TCERG1: variants seen among roughly 807,000 people sequenced by gnomAD.
TCERG1 encodes TATA box binding protein (TBP)-associated factor, RNA polymerase II, S, 150kD.
Under a neutral mutation model 144.7 loss-of-function variants are expected in TCERG1, and 37 were observed. That is an observed-to-expected ratio of 0.26 (90% CI 0.20 to 0.34). The LOEUF (loss-of-function observed/expected upper bound fraction) is 0.34. Among genes scored for constraint, TCERG1 ranks in the 10% least tolerant of loss-of-function variants. The pLI, the probability that TCERG1 is intolerant of heterozygous loss-of-function variation, is 1.00. For missense variants in TCERG1, 1,027 were observed against 1,380.7 expected (o/e 0.74, Z 4.06); for synonymous variants, 492 against 458.2 (o/e 1.07, Z -0.94).
chr5:146,464,945 G>GT (rs892377922), intron 5 of TCERG1, among the ~76,000 whole-genome samples: 29 of 148,964 alleles, frequency 1.9e-4, no homozygotes, highest in South Asian at 8.6e-4. Flanking sequence ...AAAATTTCAG[G>GT]TTTTTTTTTT....
chr5:146,475,656 T>G (rs1423143723), intron 9 of TCERG1, among the ~76,000 whole-genome samples: 1 of 152,198 alleles, frequency 6.6e-6, no homozygotes, highest in Non-Finnish European at 1.5e-5. Context: ...ACCTTGGCAA[T>G]GACCTTGAGC....
At position 146,503,853 on chromosome 5, in the gene TCERG1, T is replaced by C. The variant is rs769523714; in HGVS notation, c.2628T>C (p.Leu876=). ...KNLDSEKEKE[L]ERQARIEASL... is the part of the protein sequence containing the mutation. ...TAGACTCAGAAAAAGAAAAGGAGCT[T>C]GAAAGGCAAGCCCGCATTGAGGCAA... The change falls in exon 19 of 23, where the codon CTT becomes CTC. Residue 876 remains leucine (L), a synonymous_variant. Coordinates refer to ENST00000679501, the MANE Select transcript of TCERG1 (RefSeq NM_001382548.1). The C allele has an allele frequency of 7.5e-6, 12 of 1,599,618 alleles. No homozygotes were observed. The highest frequency in any genetic ancestry group is 1.0e-5 in the Non-Finnish European group (12 of 1,175,992).
chr5:146,473,081 G>A (rs868484682), intron 9 of TCERG1, among the ~76,000 whole-genome samples: 5 of 152,178 alleles, frequency 3.3e-5, no homozygotes, highest in African/African-American at 9.7e-5. Context: ...GTCAAAAGCC[G>A]AGATAGGCTG....
At chr5:146,454,144 T>C (rs1211893895) in intron 1 of TCERG1, among the ~76,000 whole-genome samples, 1 of 150,476 alleles carries the variant, frequency 6.6e-6, no homozygotes, top group Non-Finnish European at 1.5e-5. Flanking sequence ...GAGGTTGCAG[T>C]GAGCCGAGAT....
At chr5:146,482,390 T>C in intron 13 of TCERG1, 2 of 406,476 alleles carry the variant, frequency 4.9e-6, no homozygotes, top group Non-Finnish European at 8.7e-6. Flanking sequence ...CCATTGTAAA[T>C]CATTAGAAGC....
intron 15 of TCERG1, among the ~76,000 whole-genome samples, chr5:146,485,145 G>A (rs1765711621): frequency 6.6e-6 from 1 of 152,038 alleles, no homozygotes; most frequent in Non-Finnish European, 1.5e-5. Flanking sequence ...CAGCCACACT[G>A]GCCCTGATAT....
chr5:146,455,142 C>G lies in TCERG1; in HGVS notation c.146C>G (p.Pro49Arg). 6.2e-7 allele frequency: 1 copy of G among 1,614,226 alleles called. No individual in the cohort carries two copies. The highest frequency in any genetic ancestry group is 8.5e-7 in the Non-Finnish European group (1 of 1,180,040). The change falls in exon 2 of 23, where the codon CCT (proline) becomes CGT (arginine). Residue 49 changes from proline to arginine, a missense_variant. Physicochemically the swap from Pro to Arg is moderately radical, Grantham distance 103. Around this residue, in one of 6 missense-constraint regions of TCERG1, gnomAD observed 175 missense variants for 197.0 expected, o/e 0.89. Coordinates refer to ENST00000679501, the MANE Select transcript of TCERG1 (RefSeq NM_001382548.1). ...VMRGPPPLMR[P>R]PPPFGMMRGP... ...CGAGGCCCACCACCTCTGATGCGAC[C>G]TCCTCCACCTTTTGGTATGATGCGA...
At chr5:146,472,244 C>T (rs1182511172) in intron 9 of TCERG1, among the ~76,000 whole-genome samples, 1 of 152,148 alleles carries the variant, frequency 6.6e-6, no homozygotes, top group African/African-American at 2.4e-5. Flanking sequence ...TGGCATACCT[C>T]ATTTTATAGT....
chr5:146,478,722 A>G (rs963475702), intron 10 of TCERG1, 69 bp downstream of exon 10: 1 of 1,433,940 alleles, frequency 7.0e-7, no homozygotes, highest in Admixed American at 2.8e-5. Context: ...GAAAATGTGG[A>G]AGGCATTTAG....
intron 9 of TCERG1, among the ~76,000 whole-genome samples, chr5:146,473,231 C>T (rs1764514575): frequency 6.6e-6 from 1 of 152,130 alleles, no homozygotes; most frequent in African/African-American, 2.4e-5. Context: ...GATAGATGAT[C>T]AAACCAGCTA....
intron 1 of TCERG1, among the ~76,000 whole-genome samples, chr5:146,451,319 C>CTTTTTTTTT (rs56346846): frequency 1.4e-5 from 2 of 138,892 alleles, no homozygotes. Context: ...ATCCATATTC[C>CTTTTTTTTT]TTTTTTTTTT....
chr5:146,473,289 G>T (rs1764521581), intron 9 of TCERG1, among the ~76,000 whole-genome samples: 1 of 152,176 alleles, frequency 6.6e-6, no homozygotes, highest in Non-Finnish European at 1.5e-5. Context: ...TGCCCTACCT[G>T]CCCTCAGTTC....
intron 22 of TCERG1, among the ~76,000 whole-genome samples, chr5:146,509,608 C>T (rs1389983098): frequency 2.0e-5 from 3 of 151,768 alleles, no homozygotes; most frequent in Admixed American, 2.0e-4. Flanking sequence ...TTTGCCTCCT[C>T]TGAAGACTAT....
In TCERG1 at chr5:146,457,105, T is replaced by A. The variant is rs1025121142; in HGVS notation, c.286-78T>A. On this transcript the variant is annotated intron_variant, in intron 2 of 22. Transcript: ENST00000679501. ...TAAAACTAGTTTCTCTTACAGTGTT[T>A]TACTTTTGAATAGAATTCAGTAATA... 2.6e-6 allele frequency: 4 copies of A among 1,548,318 alleles called. No homozygotes were observed. The African/African-American group carries it at 5.5e-5, about 21-fold the overall frequency.
chr5:146,447,541 G>A, intron 1 of TCERG1, 133 bp downstream of exon 1: 1 of 1,171,718 alleles, frequency 8.5e-7, no homozygotes, highest in Non-Finnish European at 1.2e-6. Context: ...ACCGCATGGG[G>A]TTTAAGAAGG....
intron 7 of TCERG1, 188 bp downstream of exon 7, chr5:146,469,932 C>T: frequency 2.3e-6 from 1 of 432,110 alleles, no homozygotes; most frequent in Non-Finnish European, 3.9e-6. Context: ...ACATGTTTGT[C>T]ATCATTTTTT....
Position 146,447,345 on chromosome 5 carries a change from CTG to C in TCERG1, c.-3_-2del, listed in dbSNP as rs759919991. 103 of 1,611,934 alleles carry C rather than the reference CTG, an allele frequency of 6.4e-5. 1 individual carries two copies. The highest frequency in any genetic ancestry group is 4.0e-4 in the East Asian group (18 of 44,684). ...TCGGCGGGTGGATGAACGCGGCCCT[CTG>C]TAATGGCGGAGCGTGGCGGGGACGG... On this transcript the variant is annotated 5_prime_UTR_variant, in exon 1 of 23. Transcript: ENST00000679501.
At chr5:146,494,761 G>A (rs945414048) in intron 16 of TCERG1, among the ~76,000 whole-genome samples, 2 of 152,076 alleles carry the variant, frequency 1.3e-5, no homozygotes. Flanking sequence ...GTTCCAACGG[G>A]AAAGAAAGGG....
At position 146,510,431 on chromosome 5, in the gene TCERG1, CT is replaced by C. The variant is rs766316207; in HGVS notation, c.3147-8del. 4.4e-6 allele frequency: 7 copies of C among 1,596,432 alleles called. No homozygotes were observed. The highest frequency in any genetic ancestry group is 6.0e-6 in the Non-Finnish European group (7 of 1,167,396). Reference sequence around the variant, plus strand: ...GTCAGTAATTCTTGGACTTCTTTTTCTTATTTCAGATCCAAAAAATTAATCC... The same window carrying C: ...GTCAGTAATTCTTGGACTTCTTTTTCTATTTCAGATCCAAAAAATTAATCC... On this transcript the variant is annotated splice_polypyrimidine_tract_variant and intron_variant, in intron 22 of 22. Transcript: ENST00000679501.
Sources: gnomAD v4.1 joint callset for allele counts (sites outside exome capture counted in the v4.1 genomes callset) on GRCh38, gnomAD v4.1.1 for gene constraint, gnomAD v4.1.1 regional missense constraint, MANE v1.5 for transcripts, NCBI Gene and HGNC (gene_info 2026-07-23, HGNC 2026-07-21) for gene names.